Variants in ENTREP2 observed in about 807,000 individuals in gnomAD.
ENTREP2 encodes endosomal transmembrane epsin interactor 2, also known as protein ENTREP2.
At chr15:29,381,719 G>C in the ENTREP2 span, 1 of 1,431,026 alleles carries the variant, frequency 7.0e-7, no homozygotes, top group Non-Finnish European at 9.6e-7. Context: ...ACCTGCTCAC[G>C]CATCTGAAGG....
chr15:29,135,373 T>C, the ENTREP2 span, among the ~76,000 whole-genome samples: 1 of 151,508 alleles, frequency 6.6e-6, no homozygotes, highest in African/African-American at 2.4e-5. The surrounding 1 kb of genome is among the most constrained non-coding windows in gnomAD (Gnocchi z 7.4). Context: ...GGGACACCAG[T>C]GAGCTGTCGA....
At chr15:29,534,821 G>A in the ENTREP2 span, among the ~76,000 whole-genome samples, 1 of 152,132 alleles carries the variant, frequency 6.6e-6, no homozygotes, top group Non-Finnish European at 1.5e-5. Context: ...ACAAAAATAA[G>A]AATAGTTCCC....
the ENTREP2 span, among the ~76,000 whole-genome samples, chr15:29,340,619 G>A: frequency 5.1e-4 from 77 of 152,306 alleles, no homozygotes; most frequent in African/African-American, 1.8e-3. Context: ...AAACTGTGAT[G>A]ATTCTAATAT....
chr15:29,453,150 C>A, the ENTREP2 span, among the ~76,000 whole-genome samples: 1 of 152,210 alleles, frequency 6.6e-6, no homozygotes, highest in African/African-American at 2.4e-5. Context: ...AATGCCACAC[C>A]ACAGTCACCG....
At chr15:29,454,801 C>T in the ENTREP2 span, among the ~76,000 whole-genome samples, 5 of 152,180 alleles carry the variant, frequency 3.3e-5, no homozygotes, top group Non-Finnish European at 7.3e-5. Context: ...AGGCAACCTG[C>T]AAAGCTGTGC....
the ENTREP2 span, among the ~76,000 whole-genome samples, chr15:29,520,874 C>A: frequency 0.011 from 1,744 of 152,212 alleles, 34 homozygotes; most frequent in African/African-American, 0.04. Context: ...TAAGTAACTC[C>A]TGTACACTGT....
the ENTREP2 span, among the ~76,000 whole-genome samples, chr15:29,643,172 C>A: frequency 6.6e-5 from 10 of 152,076 alleles, no homozygotes; most frequent in Non-Finnish European, 1.3e-4. Flanking sequence ...ATAAATTGGA[C>A]TTCACTAAAA....
the ENTREP2 span, among the ~76,000 whole-genome samples, chr15:29,565,882 AC>A: frequency 3.3e-4 from 50 of 151,128 alleles, no homozygotes; most frequent in African/African-American, 1.1e-3. Flanking sequence ...AATGGCATGA[AC>A]CCGGGAGGCG....
At chr15:29,465,004 G>A in the ENTREP2 span, among the ~76,000 whole-genome samples, 25 of 152,204 alleles carry the variant, frequency 1.6e-4, 1 homozygote, top group East Asian at 4.7e-3. Flanking sequence ...GCCATGAGCT[G>A]TAGGACACAG....
the ENTREP2 span, among the ~76,000 whole-genome samples, chr15:29,458,284 G>A: frequency 6.6e-6 from 1 of 152,160 alleles, no homozygotes; most frequent in Non-Finnish European, 1.5e-5. Flanking sequence ...GCCCTCCACA[G>A]ATTGGAGGAT....
At chr15:29,621,226 AAAAAT>A in the ENTREP2 span, among the ~76,000 whole-genome samples, 5 of 151,698 alleles carry the variant, frequency 3.3e-5, no homozygotes, top group African/African-American at 1.2e-4. Flanking sequence ...CGTCTCTACT[AAAAAT>A]AAAAAAAATA....
chr15:29,270,736 C>G, the ENTREP2 span, among the ~76,000 whole-genome samples: 1 of 152,196 alleles, frequency 6.6e-6, no homozygotes, highest in Non-Finnish European at 1.5e-5. Flanking sequence ...TTGTGCAACT[C>G]AAGTAGCCAA....
chr15:29,149,455 G>A, the ENTREP2 span, among the ~76,000 whole-genome samples: 1 of 152,336 alleles, frequency 6.6e-6, no homozygotes, highest in East Asian at 1.9e-4. Context: ...ATGGCGCAGG[G>A]GTGAACTGCG....
At chr15:29,587,003 A>G in the ENTREP2 span, among the ~76,000 whole-genome samples, 2 of 152,174 alleles carry the variant, frequency 1.3e-5, no homozygotes, top group Admixed American at 1.3e-4. Flanking sequence ...TGTGTTCTTG[A>G]AAACCAAATT....
the ENTREP2 span, among the ~76,000 whole-genome samples, chr15:29,526,632 A>T: frequency 9.1e-4 from 138 of 151,784 alleles, no homozygotes; most frequent in African/African-American, 3.2e-3. Context: ...TGGCTACTAT[A>T]AAAAAATTTT....
chr15:29,632,435 T>C, the ENTREP2 span, among the ~76,000 whole-genome samples: 3 of 152,174 alleles, frequency 2.0e-5, no homozygotes, highest in African/African-American at 7.2e-5. Flanking sequence ...ATGTTTCTTT[T>C]ATTTTCAAAT....
At chr15:29,600,914 T>TTTTTTTTTTTTTTTTTTC in the ENTREP2 span, among the ~76,000 whole-genome samples, 1 of 144,190 alleles carries the variant, frequency 6.9e-6, no homozygotes, top group African/African-American at 2.8e-5. Context: ...TTTTTTTTTT[T>TTTTTTTTTTTTTTTTTTC]TGAGACAGAG....
the ENTREP2 span, among the ~76,000 whole-genome samples, chr15:29,532,226 T>C: frequency 9.8e-5 from 15 of 152,316 alleles, no homozygotes; most frequent in African/African-American, 3.6e-4. Context: ...GAAAATATTT[T>C]ATTCAGAAAA....
chr15:29,341,630 A>C, the ENTREP2 span, among the ~76,000 whole-genome samples: 2 of 152,148 alleles, frequency 1.3e-5, no homozygotes, highest in Non-Finnish European at 2.9e-5. Flanking sequence ...TCAGAGTCAA[A>C]AGGGGGAGTG....
Sources: gnomAD v4.1 joint callset for allele counts (sites outside exome capture counted in the v4.1 genomes callset) on GRCh38, gnomAD v4.1.1 for gene constraint, Gnocchi (gnomAD v3.1) non-coding constraint, MANE v1.5 for transcripts, NCBI Gene and HGNC (gene_info 2026-07-23, HGNC 2026-07-21) for gene names.